Variants in NEBL observed in about 807,000 individuals in gnomAD.
NEBL encodes the protein LIM and SH3 protein 2.
Under a neutral mutation model 140.2 loss-of-function variants are expected in NEBL, and 122 were observed. That is an observed-to-expected ratio of 0.87 (90% CI 0.75 to 1.01). NEBL has a LOEUF of 1.01. Ranked by LOEUF, NEBL falls within the 50% of genes least tolerant of loss-of-function variation. The pLI is 0.00. For synonymous variants in NEBL, 436 were observed against 398.9 expected (o/e 1.09, Z -1.11); for missense variants, 1,365 against 1,231.3 (o/e 1.11, Z -1.62).
chr10:21,202,490 G>A (rs1211265905), intron 3 of NEBL, among the ~76,000 whole-genome samples: 4 of 107,626 alleles, frequency 3.7e-5, no homozygotes, highest in Non-Finnish European at 1.8e-5. Flanking sequence ...TTGAAACAGA[G>A]TCTTGCTCTG....
intron 2 of NEBL, among the ~76,000 whole-genome samples, chr10:21,093,901 T>C (rs1837039467): frequency 6.6e-6 from 1 of 152,246 alleles, no homozygotes; most frequent in African/African-American, 2.4e-5. Flanking sequence ...TGACCTTCTT[T>C]TCTACAGAGA....
At chr10:21,225,036 A>G (rs1165698990) in intron 3 of NEBL, among the ~76,000 whole-genome samples, 2 of 151,800 alleles carry the variant, frequency 1.3e-5, no homozygotes, top group African/African-American at 2.4e-5. Flanking sequence ...CTCTAGTACT[A>G]TGTTGAATAA....
At chr10:21,164,930 T>C (rs970195337) in intron 2 of NEBL, among the ~76,000 whole-genome samples, 2 of 152,226 alleles carry the variant, frequency 1.3e-5, no homozygotes, top group African/African-American at 2.4e-5. Flanking sequence ...AACTAAAAAG[T>C]CAGGCAGGGC....
At chr10:20,851,386 A>G (rs1004044696) in intron 10 of NEBL, among the ~76,000 whole-genome samples, 4 of 152,162 alleles carry the variant, frequency 2.6e-5, no homozygotes, top group Non-Finnish European at 4.4e-5. Flanking sequence ...ACACATTTTA[A>G]AATACCTATT....
chr10:21,269,653 T>C (rs1264593598), intron 1 of NEBL, among the ~76,000 whole-genome samples: 1 of 152,224 alleles, frequency 6.6e-6, no homozygotes, highest in African/African-American at 2.4e-5. Context: ...CACAGTTCAT[T>C]AATGCTGAAT....
At chr10:21,100,760 A>G (rs1837442068) in intron 2 of NEBL, among the ~76,000 whole-genome samples, 1 of 152,162 alleles carries the variant, frequency 6.6e-6, no homozygotes. Flanking sequence ...TTCATTCTAT[A>G]TCCTTCCATG....
intron 2 of NEBL, among the ~76,000 whole-genome samples, chr10:21,095,115 T>G (rs557813946): frequency 6.6e-6 from 1 of 152,204 alleles, no homozygotes. Context: ...CAAGGCCTCA[T>G]CTCAGACCAA....
chr10:21,248,266 G>T (rs552314083), intron 2 of NEBL, among the ~76,000 whole-genome samples: 1 of 151,452 alleles, frequency 6.6e-6, no homozygotes, highest in Admixed American at 6.6e-5. Context: ...TAGAGATGAG[G>T]TCTCACTATG....
intron 3 of NEBL, among the ~76,000 whole-genome samples, chr10:21,224,798 T>A (rs1037068779): frequency 6.6e-6 from 1 of 152,230 alleles, no homozygotes; most frequent in Non-Finnish European, 1.5e-5. Flanking sequence ...AATTTCTTTT[T>A]CAGATTGTTC....
At chr10:20,929,032 C>T (rs1427636770) in intron 4 of NEBL, among the ~76,000 whole-genome samples, 1 of 152,080 alleles carries the variant, frequency 6.6e-6, no homozygotes, top group African/African-American at 2.4e-5. Flanking sequence ...TGTTCCTCCT[C>T]TTCCACCAGG....
At chr10:21,278,441 C>T (rs771353052) in intron 1 of NEBL, among the ~76,000 whole-genome samples, 7 of 152,196 alleles carry the variant, frequency 4.6e-5, no homozygotes, top group Non-Finnish European at 8.8e-5. Context: ...AAAACCCTCA[C>T]TCTAAAAAAT....
At chr10:21,123,242 G>C (rs1374773934) in intron 2 of NEBL, among the ~76,000 whole-genome samples, 2 of 152,096 alleles carry the variant, frequency 1.3e-5, no homozygotes, top group African/African-American at 2.4e-5. Context: ...TCTGTACAAA[G>C]TCAAAGATAA....
At chr10:20,837,513 A>G (rs765395285) in intron 13 of NEBL, among the ~76,000 whole-genome samples, 4 of 152,140 alleles carry the variant, frequency 2.6e-5, no homozygotes, top group Non-Finnish European at 4.4e-5. Flanking sequence ...AGCCATCTCC[A>G]TCATATGAAA....
intron 2 of NEBL, among the ~76,000 whole-genome samples, chr10:21,138,822 T>TAAAAAAAAA (rs60213612): frequency 8.3e-6 from 1 of 120,174 alleles, no homozygotes; most frequent in Non-Finnish European, 1.8e-5. Flanking sequence ...CTAAACTATT[T>TAAAAAAAAA]AAAAAAAAAA....
rs192387486 is a variant in NEBL, at chr10:21,257,105, C to T, written n.183-5277G>A. On this transcript the variant is annotated intron_variant and non_coding_transcript_variant, in intron 1 of 8. Transcript: ENST00000675702. ...TTGCTAAACATTTATCAGCATACTT[C>T]TGCTCCTTTCTCACAGTATTATCTA... Among the ~76,000 whole-genome samples the T allele has an allele frequency of 6.3e-4, 96 of 152,306 alleles. 2 individuals carry two copies. In the South Asian group the frequency reaches 0.013, roughly 20 times the overall value.
intron 3 of NEBL, among the ~76,000 whole-genome samples, chr10:21,007,986 A>C (rs1838199466): frequency 6.6e-6 from 1 of 151,962 alleles, no homozygotes; most frequent in South Asian, 2.1e-4. Context: ...GGTGACTGTT[A>C]GAGTGTCCAG....
intron 2 of NEBL, among the ~76,000 whole-genome samples, chr10:21,045,715 A>G (rs1463345030): frequency 6.6e-6 from 1 of 152,230 alleles, no homozygotes; most frequent in African/African-American, 2.4e-5. Flanking sequence ...AAGACAACAC[A>G]TGTTGGCAAG....
chr10:20,791,822 A>C (rs1836013054), intron 26 of NEBL, among the ~76,000 whole-genome samples: 1 of 152,224 alleles, frequency 6.6e-6, no homozygotes, highest in Admixed American at 6.5e-5. Context: ...CTCAAAAAGA[A>C]GTTCACTGGG....
Position 20,809,858 on chromosome 10 carries a change from G to A in NEBL, c.2559C>T (p.Asp853=). 2 of 1,612,842 alleles carry A rather than the reference G, an allele frequency of 1.2e-6. No individual in the cohort carries two copies. The highest frequency in any genetic ancestry group is 1.7e-6 in the Non-Finnish European group (2 of 1,179,668). ...GAATATTGTCTTCCAGGGGATCAAG[G>A]TCGAAGATGGAGCCAGGATCTGTGC... is the stretch of plus-strand genomic sequence containing the variant. ...VWRTDPGSIF[D]LDPLEDNIQS... Residue 853 remains aspartate (D), a synonymous_variant, in exon 25 of 28, where the codon GAC becomes GAT. Transcript: ENST00000377122.
Sources: allele counts gnomAD v4.1 joint callset (sites outside exome capture counted in the v4.1 genomes callset), GRCh38; gene constraint gnomAD v4.1.1; transcripts MANE v1.5; gene names NCBI Gene and HGNC (gene_info 2026-07-23, HGNC 2026-07-21).